The following MAGI2 variants were observed in gnomAD, a reference collection of about 807,000 sequenced individuals.
MAGI2 encodes the protein membrane-associated guanylate kinase, WW and PDZ domain-containing protein 2.
A neutral mutation model predicts 133.3 loss-of-function variants in MAGI2; 35 were observed. That is an observed-to-expected ratio of 0.26 (90% CI 0.20 to 0.35). The LOEUF (loss-of-function observed/expected upper bound fraction) is 0.35. MAGI2 is among the 10% of genes least tolerant of loss of function. MAGI2 has a pLI of 1.00. For synonymous variants in MAGI2, 729 were observed against 710.6 expected, an observed-to-expected ratio of 1.03 and a Z score of -0.41; for missense variants, 1,636 against 1,863.4, an observed-to-expected ratio of 0.88 and a Z score of 2.25.
chr7:78,491,871 T>TTGTGTGTGTGTGTGTG (rs10598552), intron 5 of MAGI2, among the ~76,000 whole-genome samples: 7 of 141,108 alleles, frequency 5.0e-5, no homozygotes, highest in Non-Finnish European at 7.8e-5. Flanking sequence ...TCCGTTCAAA[T>TTGTGTGTGTGTGTGTG]TGTGTGTGTG....
chr7:78,193,428 A>AG (rs983248590), intron 12 of MAGI2, among the ~76,000 whole-genome samples: 8 of 152,172 alleles, frequency 5.3e-5, no homozygotes, highest in Admixed American at 5.2e-4. Flanking sequence ...TTATTTCCCC[A>AG]GTTAAATGTG....
intron 6 of MAGI2, among the ~76,000 whole-genome samples, chr7:78,429,069 C>A (rs1799546519): frequency 6.6e-6 from 1 of 152,134 alleles, no homozygotes; most frequent in African/African-American, 2.4e-5. Flanking sequence ...TAGAGACTGT[C>A]TTCCAAATAA....
chr7:78,035,738 G>T (rs1030293612), intron 21 of MAGI2, among the ~76,000 whole-genome samples: 5 of 141,264 alleles, frequency 3.5e-5, no homozygotes, highest in African/African-American at 1.3e-4. Flanking sequence ...TCTAATCATG[G>T]CCTGAATGTT....
intron 1 of MAGI2, among the ~76,000 whole-genome samples, chr7:79,344,621 C>A (rs1180083292): frequency 1.3e-5 from 2 of 152,064 alleles, no homozygotes; most frequent in Non-Finnish European, 2.9e-5. Flanking sequence ...CAGTGAGTAC[C>A]TAAATTTAGC....
At chr7:79,165,147 GT>G (rs1384528648) in intron 1 of MAGI2, among the ~76,000 whole-genome samples, 11 of 148,838 alleles carry the variant, frequency 7.4e-5, no homozygotes, top group Admixed American at 3.3e-4. Context: ...AGGATAAGTG[GT>G]TTTCTTAAGT....
chr7:78,297,676 G>A (rs1344428095), intron 9 of MAGI2, among the ~76,000 whole-genome samples: 2 of 151,844 alleles, frequency 1.3e-5, no homozygotes, highest in Non-Finnish European at 2.9e-5. Context: ...CATGTCCTTT[G>A]TAGGGACATG....
At position 78,223,324 on chromosome 7, in the gene MAGI2, TA is replaced by T. The variant is rs375537425; in HGVS notation, c.2048-22132del. On this transcript the variant is annotated intron_variant, in intron 10 of 21. Coordinates refer to ENST00000354212, the MANE Select transcript of MAGI2 (RefSeq NM_012301.4). ...CTCCACTTTTAAGAGCTTTCTGTAC[TA>T]AAAAAAAAGTGCTCTCACATACTTG... 1.7e-3 allele frequency among the ~76,000 whole-genome samples: 264 copies of T among 151,076 alleles called. 1 individual carries two copies. Among genetic ancestry groups the T allele is most frequent in the African/African-American group, 5.5e-3 (228 of 41,216 alleles).
chr7:78,408,048 T>C (rs1024333034), intron 6 of MAGI2, among the ~76,000 whole-genome samples: 1 of 152,122 alleles, frequency 6.6e-6, no homozygotes, highest in African/African-American at 2.4e-5. Flanking sequence ...CCATTCCAGA[T>C]ATTTCCAGGT....
chr7:78,657,618 G>A (rs1196724090), intron 2 of MAGI2, among the ~76,000 whole-genome samples: 1 of 140,720 alleles, frequency 7.1e-6, no homozygotes, highest in African/African-American at 2.7e-5. Context: ...CAAAAGTTTG[G>A]CGACTTTAAG....
At chr7:79,327,081 C>G (rs1839748970) in intron 1 of MAGI2, among the ~76,000 whole-genome samples, 1 of 152,034 alleles carries the variant, frequency 6.6e-6, no homozygotes, top group Non-Finnish European at 1.5e-5. Context: ...GACTCTGGAG[C>G]CATACTTGGT....
At chr7:78,122,463 T>C (rs1820565617) in intron 20 of MAGI2, among the ~76,000 whole-genome samples, 1 of 152,104 alleles carries the variant, frequency 6.6e-6, no homozygotes, top group Admixed American at 6.6e-5. Flanking sequence ...TTTTAGTCAT[T>C]CCAAAGCCCA....
intron 3 of MAGI2, among the ~76,000 whole-genome samples, chr7:78,532,465 T>A (rs527650921): frequency 6.6e-5 from 10 of 152,304 alleles, no homozygotes; most frequent in African/African-American, 2.4e-4. Context: ...TTCATTTGCA[T>A]CCATCCCTGT....
In MAGI2 at chr7:78,194,528, T is replaced by C. The variant is rs73703721; in HGVS notation, c.2269+346A>G. On this transcript the variant is annotated intron_variant, in intron 12 of 21. Coordinates refer to ENST00000354212, the MANE Select transcript of MAGI2 (RefSeq NM_012301.4). ...AAAGATCTATGCTTTAGGCTCAAGA[T>C]CAGATTAAACAGATTAAAAAAAAAG... 2.9e-3 allele frequency among the ~76,000 whole-genome samples: 446 copies of C among 152,140 alleles called. 3 individuals carry two copies. The highest frequency in any genetic ancestry group is 0.01 in the African/African-American group (418 of 41,514).
In MAGI2 at chr7:78,863,080, G is replaced by C. The variant is rs552737745; in HGVS notation, c.418+144010C>G. ...GTGGATCCAAATAAACTTGTGTAGA[G>C]GTGGCTATAAAGAAGTTCATTAATT... On this transcript the variant is annotated intron_variant, in intron 2 of 21. Coordinates refer to ENST00000354212, the MANE Select transcript of MAGI2 (RefSeq NM_012301.4). Among the ~76,000 whole-genome samples, 9 of 152,230 alleles carry C rather than the reference G, an allele frequency of 5.9e-5. No homozygotes were observed. In the East Asian group the frequency reaches 1.7e-3, roughly 29 times the overall value.
At chr7:78,565,926 A>G (rs899256453) in intron 3 of MAGI2, among the ~76,000 whole-genome samples, 1 of 152,158 alleles carries the variant, frequency 6.6e-6, no homozygotes, top group African/African-American at 2.4e-5. Flanking sequence ...GGGTGCGGGT[A>G]GATCATTAAA....
chr7:79,146,101 C>A (rs1259021581), intron 1 of MAGI2, among the ~76,000 whole-genome samples: 1 of 151,988 alleles, frequency 6.6e-6, no homozygotes, highest in Non-Finnish European at 1.5e-5. Context: ...AACCTCTGTT[C>A]ATGCTCTACA....
intron 1 of MAGI2, among the ~76,000 whole-genome samples, chr7:79,016,001 G>T (rs935587221): frequency 9.7e-5 from 10 of 103,264 alleles, no homozygotes; most frequent in South Asian, 3.9e-4. Flanking sequence ...GGAGAAGCGG[G>T]GGGGGGGGGT....
intron 2 of MAGI2, among the ~76,000 whole-genome samples, chr7:78,870,945 G>A (rs946861564): frequency 2.0e-5 from 3 of 152,100 alleles, no homozygotes; most frequent in South Asian, 4.1e-4. Context: ...AGTAACTCAG[G>A]AATGGAAAAC....
chr7:79,049,072 G>A (rs1812437628), intron 1 of MAGI2, among the ~76,000 whole-genome samples: 1 of 152,142 alleles, frequency 6.6e-6, no homozygotes, highest in Non-Finnish European at 1.5e-5. Context: ...AAGGTCCATA[G>A]GAGTGACATG....
Sources: allele counts gnomAD v4.1 joint callset (sites outside exome capture counted in the v4.1 genomes callset), GRCh38; gene constraint gnomAD v4.1.1; transcripts MANE v1.5; gene names NCBI Gene and HGNC (gene_info 2026-07-23, HGNC 2026-07-21).